Variants in LLGL2 observed in about 807,000 individuals in gnomAD.
LLGL2 encodes the protein LLGL scribble cell polarity complex component 2, also known as LLGL2, scribble cell polarity complex component.
LLGL2 carries 81 observed loss-of-function variants against 123.2 expected under a neutral mutation model. The ratio of observed to expected loss-of-function variants is 0.66; its 90% confidence interval spans 0.55 to 0.79. The LOEUF (loss-of-function observed/expected upper bound fraction) is 0.79, where lower values mean the gene tolerates loss of function less well. Ranked by LOEUF, LLGL2 falls within the 30% of genes least tolerant of loss-of-function variation. The pLI, the probability that LLGL2 is intolerant of heterozygous loss-of-function variation, is 0.00. For synonymous variants in LLGL2, 577 were observed against 594.1 expected (o/e 0.97, Z 0.42); for missense variants, 1,273 against 1,414.6 (o/e 0.90, Z 1.61).
intron 1 of LLGL2, among the ~76,000 whole-genome samples, chr17:75,536,458 T>C (rs2054004738): frequency 6.6e-6 from 1 of 152,218 alleles, no homozygotes; most frequent in Admixed American, 6.5e-5. Flanking sequence ...TAGTCCCACC[T>C]GCCTGTCTCC....
Position 75,559,383 on chromosome 17 carries a change from C to G in LLGL2, c.503C>G (p.Thr168Ser). 6.2e-7 allele frequency: 1 copy of G among 1,612,172 alleles called. No individual in the cohort carries two copies. The highest frequency in any genetic ancestry group is 8.5e-7 in the Non-Finnish European group (1 of 1,179,422). ...GCTTTTCGTGCGCTGGAGGACCGGA[C>G]CATCAGCTCGGACGCGGTGCTGCAG... ...LPAFRALEDR[T>S]ISSDAVLQRL... The change falls in exon 6 of 26, where the codon ACC becomes AGC. Residue 168 changes from threonine (T) to serine (S), a missense_variant. Transcript: ENST00000392550. The surrounding 1 kb of genome is among the most constrained non-coding windows in gnomAD (Gnocchi z 4.6).
At position 75,545,363 on chromosome 17, in the gene LLGL2, C is replaced by G. The variant is rs566863654; in HGVS notation, c.75+1862C>G. 6.6e-5 allele frequency among the ~76,000 whole-genome samples: 10 copies of G among 152,318 alleles called. No homozygotes were observed. In the South Asian group the frequency reaches 2.1e-3, roughly 32 times the overall value. ...TGGATCCACAGCCCAAGGCTCAGGG[C>G]TATGGGAATCTGATTAGGCCTCTGC... On this transcript the variant is annotated intron_variant, in intron 2 of 25. Coordinates refer to ENST00000392550, the MANE Select transcript of LLGL2 (RefSeq NM_001031803.2).
At chr17:75,570,626 G>A (rs749800942) in intron 16 of LLGL2, 128 bp downstream of exon 16, 59 of 1,195,474 alleles carry the variant, frequency 4.9e-5, no homozygotes, top group African/African-American at 1.2e-4. Context: ...GGTCCAGGTC[G>A]CATTGTGTGA....
At chr17:75,546,435 A>G (rs116432680) in intron 2 of LLGL2, 3,433 of 168,434 alleles carry the variant, frequency 0.02, 129 homozygotes, top group African/African-American at 0.078. Context: ...TGTGAGGACT[A>G]CATGAGTTCC....
rs1356415475 is a variant in LLGL2 at position 75,549,530 on chromosome 17, C to G, written c.75+6029C>G. On this transcript the variant is annotated intron_variant, in intron 2 of 25. Transcript: ENST00000392550. This position sits in a 1 kb window ranked among gnomAD's most constrained non-coding sequence, Gnocchi z 4.0. ...AGCCCCTGCGGAGGGCCAGGTTGTT[C>G]TGTATTGGCTTTCGAATGGCTGGGC... Among the ~76,000 whole-genome samples, 1 of 150,504 alleles carries G rather than the reference C, an allele frequency of 6.6e-6. No homozygotes were observed. The highest frequency in any genetic ancestry group is 1.5e-5 in the Non-Finnish European group (1 of 67,576).
intron 1 of LLGL2, among the ~76,000 whole-genome samples, chr17:75,530,393 G>C (rs151205527): frequency 0.027 from 4,166 of 152,194 alleles, 61 homozygotes; most frequent in Middle Eastern, 0.11. Flanking sequence ...TCTCACGCCT[G>C]TAATTCCAGC....
At chr17:75,563,698 T>C in intron 8 of LLGL2, 54 bp from the exon 9 acceptor site, 1 of 1,597,398 alleles carries the variant, frequency 6.3e-7, no homozygotes, top group Non-Finnish European at 8.6e-7. Flanking sequence ...CTGTGGGGAC[T>C]GACACTTGTC....
chr17:75,538,410 T>C (rs2054086346), intron 1 of LLGL2: 1 of 152,200 alleles, frequency 6.6e-6, no homozygotes, highest in African/African-American at 2.4e-5. Context: ...ATCTTGAGGC[T>C]TTGCAGCTGT....
intron 1 of LLGL2, among the ~76,000 whole-genome samples, chr17:75,540,149 GC>G (rs1275795957): frequency 6.6e-6 from 1 of 152,120 alleles, no homozygotes; most frequent in Non-Finnish European, 1.5e-5. Context: ...CTAGCCCAGG[GC>G]TCTTTCCCTT....
At chr17:75,530,336 A>G (rs1453551835) in intron 1 of LLGL2, among the ~76,000 whole-genome samples, 2 of 152,150 alleles carry the variant, frequency 1.3e-5, no homozygotes, top group African/African-American at 2.4e-5. Flanking sequence ...TCGCGTCTCT[A>G]CAAAAATTTT....
intron 1 of LLGL2, among the ~76,000 whole-genome samples, chr17:75,534,091 G>T (rs537816031): frequency 6.6e-6 from 1 of 152,378 alleles, no homozygotes; most frequent in East Asian, 1.9e-4. Context: ...CCCCAGGCAG[G>T]TGGTCCATCT....
At position 75,572,019 on chromosome 17, in the gene LLGL2, G is replaced by T; in HGVS notation, c.2415G>T (p.Met805Ile). ...ATGATCTGTCGAAGAGCCCTGACAT[G>T]CAGGGAAGCCACCAGCTGCTCGTCG... ...VAHDLSKSPD[M>I]QGSHQLLVVS... Residue 805 changes from methionine (M) to isoleucine (I), a missense_variant, in exon 19 of 26, where the codon ATG becomes ATT. By Grantham distance (10) the Met-to-Ile change is conservative. Coordinates refer to ENST00000392550, the MANE Select transcript of LLGL2 (RefSeq NM_001031803.2). 6.2e-7 allele frequency: 1 copy of T among 1,612,610 alleles called. No individual in the cohort carries two copies. The highest frequency in any genetic ancestry group is 8.5e-7 in the Non-Finnish European group (1 of 1,179,994).
chr17:75,547,250 G>C (rs114836961), intron 2 of LLGL2, among the ~76,000 whole-genome samples: 2,837 of 152,324 alleles, frequency 0.019, 84 homozygotes, highest in East Asian at 0.062. Flanking sequence ...AACAGTCTCT[G>C]AACTCTGCCA....
intron 1 of LLGL2, among the ~76,000 whole-genome samples, chr17:75,542,073 G>A (rs945878897): frequency 1.4e-4 from 21 of 151,700 alleles, no homozygotes; most frequent in African/African-American, 4.6e-4. Context: ...GCAAGCCCTC[G>A]GTTCCTCTGC....
intron 1 of LLGL2, among the ~76,000 whole-genome samples, chr17:75,535,272 G>A (rs1306546880): frequency 2.6e-5 from 4 of 152,252 alleles, no homozygotes; most frequent in African/African-American, 4.8e-5. Context: ...ACAGGATGTC[G>A]CAGAGGGGAA....
At chr17:75,528,329 A>G (rs2147057879) in intron 1 of LLGL2, among the ~76,000 whole-genome samples, 1 of 152,004 alleles carries the variant, frequency 6.6e-6, no homozygotes, top group East Asian at 2.0e-4. Context: ...GTTAGCCAAG[A>G]TGGTCTCGAT....
chr17:75,553,366 GGCACTTGTTGGAGCTCTCCTCCCT>G (rs1257974056), intron 2 of LLGL2, among the ~76,000 whole-genome samples: 10 of 152,184 alleles, frequency 6.6e-5, no homozygotes, highest in African/African-American at 1.9e-4. Flanking sequence ...CCCCAAAATA[GGCACTTGTTGGAGCTCTCCTCCCT>G]GCCTGACCCC....
intron 1 of LLGL2, among the ~76,000 whole-genome samples, chr17:75,528,570 C>G (rs1315530255): frequency 6.6e-6 from 1 of 152,128 alleles, no homozygotes; most frequent in Non-Finnish European, 1.5e-5. Context: ...GATACCCTGT[C>G]TCTATTAAAC....
intron 10 of LLGL2, 97 bp from the exon 11 acceptor site, chr17:75,568,379 C>G: frequency 6.7e-7 from 1 of 1,483,826 alleles, no homozygotes; most frequent in Non-Finnish European, 8.9e-7. Context: ...CTTTCTGGAT[C>G]TGCAGATGCC....
Sources: allele counts gnomAD v4.1 joint callset (sites outside exome capture counted in the v4.1 genomes callset), GRCh38; gene constraint gnomAD v4.1.1; non-coding constraint Gnocchi (gnomAD v3.1); transcripts MANE v1.5; gene names NCBI Gene and HGNC (gene_info 2026-07-23, HGNC 2026-07-21).